The following PDE4DIP variants were observed in gnomAD, a reference collection of about 807,000 sequenced individuals.
The protein encoded by PDE4DIP is myomegalin.
PDE4DIP carries 59 observed loss-of-function variants against 221.4 expected under a neutral mutation model. The ratio of observed to expected loss-of-function variants is 0.27; its 90% CI spans 0.22 to 0.33. PDE4DIP has a LOEUF of 0.33. Ranked by LOEUF, PDE4DIP falls within the 10% of genes least tolerant of loss-of-function variation. The pLI, the probability that PDE4DIP is intolerant of heterozygous loss-of-function variation, is 1.00. For missense variants in PDE4DIP, 1,036 were observed against 2,154.2 expected, an observed-to-expected ratio of 0.48 and a Z score of 10.28; for synonymous variants, 404 against 815.9, an observed-to-expected ratio of 0.50 and a Z score of 8.60.
At chr1:148,919,266 A>G (rs1357052011) in intron 1 of PDE4DIP, among the ~76,000 whole-genome samples, 1 of 151,342 alleles carries the variant, frequency 6.6e-6, no homozygotes, top group East Asian at 1.9e-4. Flanking sequence ...AGGTGGTATT[A>G]TCATTCTTAT....
At chr1:149,017,040 G>A (rs1265470088) in intron 33 of PDE4DIP, among the ~76,000 whole-genome samples, 13 of 151,962 alleles carry the variant, frequency 8.6e-5, no homozygotes, top group South Asian at 6.3e-4. Flanking sequence ...TAAGACAATC[G>A]TAATTTTCAG....
rs200252029 is a variant in PDE4DIP at position 148,962,281 on chromosome 1, A to G, written c.974A>G (p.Gln325Arg). The change falls in exon 8 of 44, where the codon CAA (glutamine) becomes CGA (arginine). Residue 325 changes from glutamine (Q) to arginine (R), a missense_variant. Gln to Arg is a conservative substitution (Grantham distance 43). Transcript: ENST00000369354. ...ATGCTGCACCAAAGCCAGCTTGGAC[A>G]ACTTCACGTATGTGAGGGTCACGTA... The G allele has an allele frequency of 3.9e-6, 6 of 1,525,828 alleles. No homozygotes were observed. In the East Asian group the frequency reaches 9.0e-5, roughly 23 times the overall value. 94.5% of individuals were successfully genotyped at this position (1,525,828 alleles called of 1,614,324 possible).
chr1:148,930,358 A>G (rs1306359200), intron 2 of PDE4DIP: 2 of 149,528 alleles, frequency 1.3e-5, no homozygotes, highest in African/African-American at 5.0e-5. Context: ...TAAAAATAGA[A>G]AAAAAAAAAT....
chr1:148,907,005 C>T (rs1300720688), intron 1 of PDE4DIP, among the ~76,000 whole-genome samples: 30 of 151,530 alleles, frequency 2.0e-4, no homozygotes, highest in South Asian at 1.7e-3. Context: ...GCCAAGATCG[C>T]GCCATTGCAC....
intron 20 of PDE4DIP, among the ~76,000 whole-genome samples, chr1:148,980,386 C>T (rs1272097315): frequency 3.3e-5 from 5 of 151,666 alleles, no homozygotes; most frequent in African/African-American, 9.7e-5. Flanking sequence ...AGCGAGACTC[C>T]GTCTCAAAAA....
intron 18 of PDE4DIP, 63 bp downstream of exon 21, chr1:148,978,116 C>G: frequency 1.4e-6 from 2 of 1,470,568 alleles, no homozygotes; most frequent in Non-Finnish European, 1.9e-6. Flanking sequence ...TGTAGGGCCT[C>G]TTCAGACAAT....
intron 1 of PDE4DIP, among the ~76,000 whole-genome samples, chr1:148,925,549 T>A (rs1553465264): frequency 6.8e-6 from 1 of 147,328 alleles, no homozygotes; most frequent in Non-Finnish European, 1.5e-5. Flanking sequence ...TTTTCTTCAG[T>A]AGGATTTAGA....
intron 1 of PDE4DIP, among the ~76,000 whole-genome samples, chr1:148,918,686 T>C: frequency 7.3e-6 from 1 of 136,446 alleles, no homozygotes; most frequent in South Asian, 2.5e-4. Flanking sequence ...AAACACCTAA[T>C]CTCCTTAGCA....
chr1:148,864,776 C>T (rs113918540), intron 2 of PDE4DIP, among the ~76,000 whole-genome samples: 14 of 102,312 alleles, frequency 1.4e-4, no homozygotes, highest in African/African-American at 6.4e-4. Context: ...GGATAAAATG[C>T]TTACTACATA....
upstream of PDE4DIP, among the ~76,000 whole-genome samples, chr1:148,884,820 G>C (rs2985355): frequency 6.6e-6 from 1 of 151,210 alleles, no homozygotes; most frequent in Non-Finnish European, 1.5e-5. Context: ...ATATTTGTTC[G>C]GAACTGTTGT....
intron 1 of PDE4DIP, among the ~76,000 whole-genome samples, chr1:148,821,715 G>A (rs1456490252): frequency 6.9e-6 from 1 of 144,506 alleles, no homozygotes; most frequent in Non-Finnish European, 1.5e-5. Flanking sequence ...TTATTCTAAG[G>A]ACATGGGGAA....
intron 9 of PDE4DIP, 135 bp downstream of exon 12, chr1:148,962,775 T>TA (rs1458262954): frequency 3.5e-6 from 1 of 287,770 alleles, no homozygotes; most frequent in African/African-American, 2.4e-5. Context: ...GCTGCCCTTG[T>TA]ACCATATGCT....
intron 5 of PDE4DIP, among the ~76,000 whole-genome samples, chr1:148,959,687 TA>T: frequency 6.6e-6 from 1 of 152,306 alleles, no homozygotes; most frequent in Non-Finnish European, 1.5e-5. Context: ...CATTGTTCCA[TA>T]TATAAATTGT....
intron 35 of PDE4DIP, 75 bp from the exon 39 acceptor site, chr1:149,020,072 G>A (rs587646374): frequency 5.8e-6 from 3 of 514,476 alleles, no homozygotes; most frequent in South Asian, 2.8e-5. Context: ...CTGTCAGGGT[G>A]GATGTGCTTG....
intron 6 of PDE4DIP, among the ~76,000 whole-genome samples, 175 bp from the exon 10 acceptor site, chr1:148,961,662 G>A (rs1401892168): frequency 1.3e-5 from 2 of 151,872 alleles, no homozygotes; most frequent in African/African-American, 2.4e-5. Context: ...CATTTCTCCT[G>A]CTACTTTTTG....
At chr1:148,910,842 T>C (rs1327234581) in intron 1 of PDE4DIP, among the ~76,000 whole-genome samples, 1 of 105,064 alleles carries the variant, frequency 9.5e-6, no homozygotes, top group Non-Finnish European at 1.9e-5. Context: ...GGTAAATTAG[T>C]TCAGTCACTG....
chr1:148,893,140 G>T (rs2596259), intron 1 of PDE4DIP, among the ~76,000 whole-genome samples: 2 of 135,694 alleles, frequency 1.5e-5, no homozygotes, highest in African/African-American at 2.8e-5. Flanking sequence ...AGAGATTGAG[G>T]TCTCACTCAC....
At chr1:148,828,922 T>C (rs1233243732) in intron 1 of PDE4DIP, among the ~76,000 whole-genome samples, 3 of 151,004 alleles carry the variant, frequency 2.0e-5, no homozygotes, top group African/African-American at 7.3e-5. Context: ...TAATTATTTA[T>C]TGAATGAATG....
intron 14 of PDE4DIP, among the ~76,000 whole-genome samples, 163 bp downstream of exon 17, chr1:148,969,193 TTTAC>T (rs1174023602): frequency 6.7e-6 from 1 of 150,000 alleles, no homozygotes; most frequent in Non-Finnish European, 1.5e-5. Flanking sequence ...GTTTTATTTA[TTTAC>T]TTACTTATTT....
Sources: gnomAD v4.1 joint callset for allele counts (sites outside exome capture counted in the v4.1 genomes callset) on GRCh38, gnomAD v4.1.1 for gene constraint, MANE v1.5 for transcripts, NCBI Gene and HGNC (gene_info 2026-07-23, HGNC 2026-07-21) for gene names.